Variants in NUP98 observed in about 807,000 individuals in gnomAD.
NUP98 encodes the protein nuclear pore complex protein Nup98-Nup96.
A neutral mutation model predicts 191.9 loss-of-function variants in NUP98; 26 were observed. The observed-to-expected ratio is 0.14, with a 90% CI of 0.10 to 0.19. NUP98 has a LOEUF of 0.19. NUP98 is among the 10% of genes least tolerant of loss of function. NUP98 has a pLI of 1.00. For missense variants in NUP98, 1,941 were observed against 2,178.8 expected (o/e 0.89, Z 2.17); for synonymous variants, 808 against 778.4 (o/e 1.04, Z -0.63).
chr11:3,719,733 T>G (rs1256055842), intron 17 of NUP98, among the ~76,000 whole-genome samples, 183 bp from the exon 18 acceptor site: 1 of 152,142 alleles, frequency 6.6e-6, no homozygotes, highest in African/African-American at 2.4e-5. Context: ...ATTACACTGT[T>G]ATCTGATTTA....
chr11:3,789,501 CTTTTTTTTTT>C (rs914589009), intron 1 of NUP98, among the ~76,000 whole-genome samples: 8 of 123,066 alleles, frequency 6.5e-5, no homozygotes, highest in African/African-American at 2.4e-4. Flanking sequence ...TTACCTATTT[CTTTTTTTTTT>C]TTTTTTTTTT....
intron 1 of NUP98, among the ~76,000 whole-genome samples, chr11:3,784,444 A>G (rs187560754): frequency 6.6e-6 from 1 of 152,152 alleles, no homozygotes; most frequent in African/African-American, 2.4e-5. Context: ...ATTAGGTGGC[A>G]AGCTTTTCAA....
At chr11:3,760,130 C>T (rs375917452) in intron 10 of NUP98, 12 of 139,976 alleles carry the variant, frequency 8.6e-5, no homozygotes, top group African/African-American at 2.8e-5. Flanking sequence ...AAAAAAAAAA[C>T]AAAAACAAAA....
intron 15 of NUP98, among the ~76,000 whole-genome samples, chr11:3,724,380 G>A (rs887335257): frequency 1.3e-4 from 19 of 151,326 alleles, no homozygotes; most frequent in African/African-American, 4.6e-4. Flanking sequence ...AGGATACAGT[G>A]GGCCGAGATC....
rs1239013661 is a variant in NUP98, at chr11:3,768,588, T to C, written c.941A>G (p.Asn314Ser). The C allele has an allele frequency of 1.3e-6, 2 of 1,581,680 alleles. No individual in the cohort carries two copies. The highest frequency in any genetic ancestry group is 1.7e-6 in the Non-Finnish European group (2 of 1,164,932). ...NTSTIGQPST[N>S]TMGLFGVTQA... ...AAGGGTCTGTTTCCTTACCATGGTG[T>C]TGGTGCTTGGCTGTCCTATGGTGCT... is the stretch of plus-strand genomic sequence containing the variant. Residue 314 changes from asparagine to serine, a missense_variant, in exon 8 of 33, where the codon AAC (asparagine) becomes AGC (serine). Coordinates refer to ENST00000324932, the MANE Select transcript of NUP98 (RefSeq NM_016320.5).
rs755847383 is a variant in NUP98 at position 3,700,862 on chromosome 11, G to A, written c.3513-23C>T. On this transcript the variant is annotated intron_variant, in intron 23 of 32. Transcript: ENST00000324932. Reference sequence around the variant, plus strand: ...AGGCTACAAGAGCAAATGAGGAATAGAATAGAAAATGAACCTAAGACAGAA... The same window carrying A: ...AGGCTACAAGAGCAAATGAGGAATAAAATAGAAAATGAACCTAAGACAGAA... The A allele has an allele frequency of 5.9e-6, 9 of 1,537,820 alleles. No homozygotes were observed. In the South Asian group the frequency reaches 1.0e-4, roughly 18 times the overall value.
intron 18 of NUP98, among the ~76,000 whole-genome samples, chr11:3,716,105 T>C (rs2079172172): frequency 6.6e-6 from 1 of 152,218 alleles, no homozygotes; most frequent in South Asian, 2.1e-4. Context: ...TATTTTTGCT[T>C]TTGGTGCTTA....
In NUP98 at chr11:3,699,182, C is replaced by T. The variant is rs1239205950; in HGVS notation, c.3909G>A (p.Glu1303=). ...LSCTATPQIE[E]EVSLTQKNSP... The stretch of plus-strand genomic sequence containing the variant: ...TGTTTTTTTGGGTTAAGGAGACTTC[C>T]TCTTCAATCTGAGGTGTGGCAGTAC... The change falls in exon 25 of 33, where the codon GAG becomes GAA. Residue 1303 remains glutamate, a synonymous_variant. Coordinates refer to ENST00000324932, the MANE Select transcript of NUP98 (RefSeq NM_016320.5). The T allele has an allele frequency of 1.9e-6, 3 of 1,614,126 alleles. No homozygotes were observed. Among genetic ancestry groups the T allele is most frequent in the Non-Finnish European group, 2.5e-6 (3 of 1,180,032 alleles).
chr11:3,789,652 A>C (rs1284708766), intron 1 of NUP98, among the ~76,000 whole-genome samples: 2 of 151,762 alleles, frequency 1.3e-5, no homozygotes, highest in African/African-American at 4.8e-5. Context: ...AAAAGCTGAG[A>C]CCACAGGCAT....
chr11:3,716,659 G>C (rs571276398), intron 18 of NUP98, among the ~76,000 whole-genome samples: 138 of 152,202 alleles, frequency 9.1e-4, no homozygotes, highest in Admixed American at 1.8e-3. Context: ...AGAGAGTCAT[G>C]ATCACACCAC....
rs2080836554 is a variant in NUP98 at position 3,753,335 on chromosome 11, A to G, written c.1248T>C (p.Leu416=). Reference sequence around the variant, plus strand: ...TCTTACCTGTTCCAAATCCTGCACCAAGCCCAGTTCCAAGAGTCCCAGGTG... The same window carrying G: ...TCTTACCTGTTCCAAATCCTGCACCGAGCCCAGTTCCAAGAGTCCCAGGTG... ...KPAPGTLGTG[L]GAGFGTALGA... The change falls in exon 11 of 33, where the codon CTT becomes CTC. Residue 416 remains leucine, a synonymous_variant. Transcript: ENST00000324932. The G allele has an allele frequency of 1.2e-6, 2 of 1,614,030 alleles. No homozygotes were observed. Among genetic ancestry groups the G allele is most frequent in the Middle Eastern group, 1.6e-4 (1 of 6,062 alleles).
At chr11:3,735,621 C>T (rs1382703482) in intron 12 of NUP98, among the ~76,000 whole-genome samples, 1 of 151,956 alleles carries the variant, frequency 6.6e-6, no homozygotes, top group East Asian at 1.9e-4. Flanking sequence ...TTTAAACAAC[C>T]CTGATGAAAT....
At chr11:3,718,051 T>C (rs541056760) in intron 18 of NUP98, among the ~76,000 whole-genome samples, 6 of 152,226 alleles carry the variant, frequency 3.9e-5, no homozygotes, top group Non-Finnish European at 8.8e-5. Context: ...TTGCAGTGTC[T>C]TTGGTTACTG....
At chr11:3,748,414 A>C (rs543415852) in intron 11 of NUP98, among the ~76,000 whole-genome samples, 1 of 152,146 alleles carries the variant, frequency 6.6e-6, no homozygotes, top group Non-Finnish European at 1.5e-5. Context: ...AAATACAAAA[A>C]TTAGGTTGAG....
In NUP98 at chr11:3,712,699, C is replaced by A. The variant is rs1441088128; in HGVS notation, c.2607G>T (p.Gln869His). The A allele has an allele frequency of 6.2e-7, 1 of 1,613,094 alleles. No individual in the cohort carries two copies. Residue 869 changes from glutamine (Q) to histidine (H), a missense_variant, in exon 20 of 33, where the codon CAG (glutamine) becomes CAT (histidine). This residue lies in a region of NUP98 where 95 missense variants were observed against 139.7 expected (regional missense o/e 0.68). Coordinates refer to ENST00000324932, the MANE Select transcript of NUP98 (RefSeq NM_016320.5). ...KVSHFSKYGL[Q>H]DSDEEEEEHP... ...GCTCCTCCTCCTCTTCATCAGAATC[C>A]TGAAGGCCATACTTAGAAAAATGGG... is the stretch of plus-strand genomic sequence containing the variant.
chr11:3,777,037 G>A (rs973258413), intron 4 of NUP98, among the ~76,000 whole-genome samples: 1 of 152,126 alleles, frequency 6.6e-6, no homozygotes, highest in Admixed American at 6.5e-5. Context: ...AGTGGTCACA[G>A]TACATTTTAT....
Position 3,700,599 on chromosome 11 carries a change from T to TGTGTA in NUP98, c.3742+6_3742+10dup, listed in dbSNP as rs762269802. 1.2e-4 allele frequency: 191 copies of TGTGTA among 1,569,674 alleles called. No homozygotes were observed. Among genetic ancestry groups the TGTGTA allele is most frequent in the Non-Finnish European group, 1.5e-4 (174 of 1,140,880 alleles). ...GGGACATCAAACATTAGAAACATAG[T>TGTGTA]GTGTACTCACTTTGTGCTTCTGGTA... On this transcript the variant is annotated intron_variant, in intron 24 of 32. Coordinates refer to ENST00000324932, the MANE Select transcript of NUP98 (RefSeq NM_016320.5).
rs199699766 is a variant in NUP98, at chr11:3,723,169, T to C, written c.2134A>G (p.Met712Val). Residue 712 changes from methionine (M) to valine (V), a missense_variant, in exon 16 of 33, where the codon ATG becomes GTG. Coordinates refer to ENST00000324932, the MANE Select transcript of NUP98 (RefSeq NM_016320.5). ...REEIENNSYH[M>V]HPAGIILTKV... ...ATCTGAACCTGACCTGCTGGGTGCATATGGTAAGAATTATTTTCTATTTCT... is the reference window on the plus strand; with the variant it reads ...ATCTGAACCTGACCTGCTGGGTGCACATGGTAAGAATTATTTTCTATTTCT... 6.8e-6 allele frequency: 11 copies of C among 1,614,002 alleles called. No homozygotes were observed. Among genetic ancestry groups the C allele is most frequent in the African/African-American group, 1.3e-5 (1 of 75,024 alleles).
Position 3,713,907 on chromosome 11 carries a change from T to C in NUP98, c.2488A>G (p.Asn830Asp). The change falls in exon 19 of 33, where the codon AAC (asparagine) becomes GAC (aspartate). Residue 830 changes from asparagine to aspartate, a missense_variant. This residue lies in a region of NUP98 where 95 missense variants were observed against 139.7 expected (regional missense o/e 0.68). Coordinates refer to ENST00000324932, the MANE Select transcript of NUP98 (RefSeq NM_016320.5). ...IKSPDRLADI[N>D]YEGRLEAVSR... The stretch of plus-strand genomic sequence containing the variant: ...ACTGCTTCCAATCTTCCTTCATAGT[T>C]GATATCAGCAAGGCGATCTGGGCTC... 6.2e-7 allele frequency: 1 copy of C among 1,614,144 alleles called. No homozygotes were observed. Among genetic ancestry groups the C allele is most frequent in the Non-Finnish European group, 8.5e-7 (1 of 1,180,006 alleles).
Sources: allele counts gnomAD v4.1 joint callset (sites outside exome capture counted in the v4.1 genomes callset), GRCh38; gene constraint gnomAD v4.1.1; regional missense constraint gnomAD v4.1.1; transcripts MANE v1.5; gene names NCBI Gene and HGNC (gene_info 2026-07-23, HGNC 2026-07-21).